Variants in GRIN2B observed in about 807,000 individuals in gnomAD.
The protein encoded by GRIN2B is glutamate ionotropic receptor NMDA type subunit 2B, also known as glutamate receptor ionotropic, NMDA 2B.
In GRIN2B, 5 loss-of-function variants were observed where a neutral mutation model predicts 114.5. The ratio of observed to expected loss-of-function variants is 0.04; its 90% CI spans 0.02 to 0.09. The LOEUF (loss-of-function observed/expected upper bound fraction) is 0.09. GRIN2B is among the 10% of genes least tolerant of loss of function. The probability of loss-of-function intolerance (pLI) is 1.00; values close to 1 mark genes in which losing one functional copy is unlikely to be tolerated. For synonymous variants in GRIN2B, 787 were observed against 745.1 expected, an observed-to-expected ratio of 1.06 and a Z score of -0.92; for missense variants, 1,108 against 1,943.5, an observed-to-expected ratio of 0.57 and a Z score of 8.08.
At chr12:13,771,583 T>C (rs931244304) in intron 3 of GRIN2B, among the ~76,000 whole-genome samples, 23 of 152,172 alleles carry the variant, frequency 1.5e-4, no homozygotes, top group African/African-American at 5.5e-4. Context: ...CCAAACCTCA[T>C]TTTCCTCCAG....
At chr12:13,592,232 A>G (rs540615637) in intron 10 of GRIN2B, among the ~76,000 whole-genome samples, 3 of 152,294 alleles carry the variant, frequency 2.0e-5, no homozygotes, top group African/African-American at 7.2e-5. Flanking sequence ...CCTCGCTGGC[A>G]GGAACAGGAA....
chr12:13,738,662 T>C (rs1863225670), intron 4 of GRIN2B, among the ~76,000 whole-genome samples: 2 of 152,222 alleles, frequency 1.3e-5, no homozygotes, highest in South Asian at 4.1e-4. Context: ...GAAGGAATTC[T>C]TTCAAGAGCA....
chr12:13,889,091 C>T (rs1483989908), intron 2 of GRIN2B, among the ~76,000 whole-genome samples: 1 of 152,076 alleles, frequency 6.6e-6, no homozygotes, highest in East Asian at 1.9e-4. Context: ...ATTCTATAAG[C>T]TTTTTTCTAT....
chr12:13,795,662 G>A (rs1864407185), intron 3 of GRIN2B, among the ~76,000 whole-genome samples: 1 of 152,158 alleles, frequency 6.6e-6, no homozygotes, highest in Admixed American at 6.5e-5. Context: ...GTTCACAATA[G>A]CAAAGACTTG....
At position 13,608,630 on chromosome 12, in the gene GRIN2B, G is replaced by A. The variant is rs1342098503; in HGVS notation, c.1983C>T (p.Asp661=). The A allele has an allele frequency of 6.2e-7, 1 of 1,613,828 alleles. No individual in the cohort carries two copies. The highest frequency in any genetic ancestry group is 1.3e-5 in the African/African-American group (1 of 74,914). Residue 661 remains aspartate (D), a synonymous_variant, in exon 10 of 14, where the codon GAC becomes GAT. Coordinates refer to ENST00000609686, the MANE Select transcript of GRIN2B (RefSeq NM_000834.5). The stretch of plus-strand genomic sequence containing the variant: ...TTTTGTCGCTCAGGCCAGAAACCTG[G>A]TCCACATATTCCTCTTGGATCATGA... ...AAFMIQEEYV[D]QVSGLSDKKF...
intron 3 of GRIN2B, among the ~76,000 whole-genome samples, chr12:13,863,214 T>C (rs1231393931): frequency 6.6e-6 from 1 of 152,198 alleles, no homozygotes; most frequent in East Asian, 1.9e-4. Flanking sequence ...CAGTAGCCAG[T>C]GGGTCCTCTA....
At chr12:13,927,550 A>G (rs1414284833) in intron 2 of GRIN2B, among the ~76,000 whole-genome samples, 1 of 152,106 alleles carries the variant, frequency 6.6e-6, no homozygotes, top group Non-Finnish European at 1.5e-5. Flanking sequence ...AGCAGACCAG[A>G]TTTGGCCTAC....
At chr12:13,880,994 T>TTGTGTGTGTG (rs144197797) in intron 2 of GRIN2B, among the ~76,000 whole-genome samples, 2 of 148,792 alleles carry the variant, frequency 1.3e-5, no homozygotes, top group Admixed American at 6.7e-5. Flanking sequence ...GGGTATAAGG[T>TTGTGTGTGTG]TGTGTGTGTG....
chr12:13,812,288 C>T (rs1864745990), intron 3 of GRIN2B, among the ~76,000 whole-genome samples: 1 of 151,910 alleles, frequency 6.6e-6, no homozygotes, highest in Admixed American at 6.6e-5. Context: ...TACATGGGAA[C>T]AAAATTCTTA....
chr12:13,887,414 GAA>G (rs995515627), intron 2 of GRIN2B, among the ~76,000 whole-genome samples: 23 of 151,224 alleles, frequency 1.5e-4, no homozygotes, highest in Admixed American at 1.5e-3. Context: ...ATCTTCACAG[GAA>G]AAAAAAGTTT....
chr12:13,642,196 AC>A lies in GRIN2B; in HGVS notation c.1126-25540del, dbSNP rs1565486284. 3.1e-4 allele frequency among the ~76,000 whole-genome samples: 23 copies of A among 73,346 alleles called. No homozygotes were observed. In the South Asian group the frequency reaches 4.2e-3, roughly 14 times the overall value. 48.1% of individuals were successfully genotyped at this position (73,346 alleles called of 152,430 possible). On this transcript the variant is annotated intron_variant, in intron 5 of 13. Transcript: ENST00000609686. ...AGAGTGAGACTCTGTCTCAAAACAA[AC>A]AAACAAACAAACAAACAAACAAACA...
chr12:13,547,979 A>ATTT lies in GRIN2B; in HGVS notation c.*14803_*14804insAAA, dbSNP rs1425325795. 330 of 59,528 alleles carry ATTT rather than the reference A, an allele frequency of 5.5e-3. 5 individuals are homozygous for ATTT. Among genetic ancestry groups the ATTT allele is most frequent in the Middle Eastern group, 8.1e-3 (1 of 124 alleles). The allele number at this position is 59,528 out of a possible 1,614,324, so 3.7% of individuals were successfully genotyped here. On this transcript the variant is annotated 3_prime_UTR_variant, in exon 14 of 14. Coordinates refer to ENST00000609686, the MANE Select transcript of GRIN2B (RefSeq NM_000834.5). ...TGTGTGTATATATATATATATATAT[A>ATTT]TATTTTTTTTTTTTTTCTGAAAGCT...
intron 4 of GRIN2B, among the ~76,000 whole-genome samples, chr12:13,727,224 C>A (rs2136600191): frequency 6.6e-6 from 1 of 152,214 alleles, no homozygotes; most frequent in Non-Finnish European, 1.5e-5. Context: ...GTGACATATG[C>A]CACGACAAGG....
At chr12:13,566,969 A>C in intron 13 of GRIN2B, 56 bp downstream of exon 13, 2 of 1,196,660 alleles carry the variant, frequency 1.7e-6, no homozygotes, top group Non-Finnish European at 2.5e-6. Context: ...TGCTTTGCAC[A>C]GTGCTAGGCT....
At chr12:13,760,948 T>C (rs569920866) in intron 3 of GRIN2B, among the ~76,000 whole-genome samples, 5 of 152,240 alleles carry the variant, frequency 3.3e-5, no homozygotes, top group Non-Finnish European at 7.3e-5. Flanking sequence ...TGGCTTTGAA[T>C]AGTGTCAGAG....
intron 4 of GRIN2B, among the ~76,000 whole-genome samples, chr12:13,713,827 A>G (rs982141858): frequency 7.9e-5 from 12 of 151,810 alleles, no homozygotes; most frequent in African/African-American, 1.2e-4. Context: ...ATTATTACCA[A>G]CCACTTAGAG....
chr12:13,587,806 G>A (rs374826054), intron 10 of GRIN2B, among the ~76,000 whole-genome samples: 45 of 152,314 alleles, frequency 3.0e-4, no homozygotes, highest in East Asian at 9.7e-4. Context: ...AGTATTACTG[G>A]TATAATAGCT....
At chr12:13,607,350 A>ATT (rs1491467865) in intron 10 of GRIN2B, among the ~76,000 whole-genome samples, 3 of 34,402 alleles carry the variant, frequency 8.7e-5, no homozygotes, top group African/African-American at 3.2e-4. Flanking sequence ...TATAATATAT[A>ATT]AAATATATAA....
At chr12:13,937,883 G>A (rs565051925) in intron 2 of GRIN2B, among the ~76,000 whole-genome samples, 80 of 152,202 alleles carry the variant, frequency 5.3e-4, no homozygotes, top group Non-Finnish European at 9.7e-4. Flanking sequence ...TTCTGAAGTG[G>A]GAAGTGAGAA....
Sources: allele counts gnomAD v4.1 joint callset (sites outside exome capture counted in the v4.1 genomes callset), GRCh38; gene constraint gnomAD v4.1.1; transcripts MANE v1.5; gene names NCBI Gene and HGNC (gene_info 2026-07-23, HGNC 2026-07-21).